ANXA4: variants seen among roughly 807,000 people sequenced by gnomAD.
ANXA4 encodes annexin A4.
In ANXA4, 39 loss-of-function variants were observed where a neutral mutation model predicts 49.8. The ratio of observed to expected loss-of-function variants is 0.78; its 90% CI spans 0.61 to 1.02. The LOEUF (loss-of-function observed/expected upper bound fraction) is 1.02, where lower values mean the gene tolerates loss of function less well. Among genes scored for constraint, ANXA4 ranks in the 50% least tolerant of loss-of-function variants. ANXA4 has a pLI of 0.00. For synonymous variants in ANXA4, 134 were observed against 152.5 expected (o/e 0.88, Z 0.89); for missense variants, 360 against 410.1 (o/e 0.88, Z 1.05).
chr2:69,690,642 A>G (rs1332185254), intron 2 of ANXA4, among the ~76,000 whole-genome samples: 1 of 152,208 alleles, frequency 6.6e-6, no homozygotes, highest in Non-Finnish European at 1.5e-5. Context: ...ACATTTTTCA[A>G]ATGATTTTCA....
intron 2 of ANXA4, among the ~76,000 whole-genome samples, chr2:69,661,538 T>G (rs1676717826): frequency 6.6e-6 from 1 of 152,026 alleles, no homozygotes; most frequent in Non-Finnish European, 1.5e-5. Flanking sequence ...GTCACTGCAC[T>G]CCAGCCTGGG....
intron 3 of ANXA4, among the ~76,000 whole-genome samples, chr2:69,724,435 CTT>C (rs1235686373): frequency 6.6e-6 from 1 of 152,180 alleles, no homozygotes; most frequent in African/African-American, 2.4e-5. Flanking sequence ...TAAAAGAAGA[CTT>C]TTTCTAATTA....
chr2:69,728,754 C>G (rs1670025426), intron 3 of ANXA4, among the ~76,000 whole-genome samples: 1 of 152,186 alleles, frequency 6.6e-6, no homozygotes, highest in Non-Finnish European at 1.5e-5. Context: ...ACCACACTGA[C>G]TTTAAGTGTC....
intron 2 of ANXA4, among the ~76,000 whole-genome samples, chr2:69,681,536 G>C (rs181766018): frequency 6.6e-6 from 1 of 151,542 alleles, no homozygotes; most frequent in African/African-American, 2.4e-5. Flanking sequence ...AGCTAATTTT[G>C]GTATTTTTAG....
intron 2 of ANXA4, among the ~76,000 whole-genome samples, chr2:69,712,933 A>T (rs548815888): frequency 6.6e-4 from 100 of 152,124 alleles, no homozygotes; most frequent in African/African-American, 2.3e-3. Context: ...TGAAAACAGG[A>T]CTCTTTGGGG....
Position 69,820,775 on chromosome 2 carries a change from C to T in ANXA4, c.860C>T (p.Ala287Val). The change falls in exon 12 of 13, where the codon GCA (alanine) becomes GTA (valine). Residue 287 changes from alanine to valine, a missense_variant. Ala to Val is a moderately conservative substitution (Grantham distance 64, BLOSUM62 0). Coordinates refer to ENST00000394295, the MANE Select transcript of ANXA4 (RefSeq NM_001153.5). ...RAEIDMLDIR[A>V]HFKRLYGKSL... is the part of the protein sequence containing the mutation. ...GAAATTGACATGTTGGATATCCGGG[C>T]ACACTTCAAGAGACTCTATGGAAAG... 1 of 1,614,138 alleles carries T rather than the reference C, an allele frequency of 6.2e-7. No homozygotes were observed.
At chr2:69,809,007 T>C (rs1015615159) in intron 6 of ANXA4, 1 of 152,062 alleles carries the variant, frequency 6.6e-6, no homozygotes, top group African/African-American at 2.4e-5. Context: ...TATATGTAAG[T>C]GAAAAAGACA....
At chr2:69,781,164 A>G (rs1279531506) in intron 1 of ANXA4, 1 of 221,608 alleles carries the variant, frequency 4.5e-6, no homozygotes, top group Non-Finnish European at 8.9e-6. Context: ...CTCTTTTCTC[A>G]AAGGGGGAAC....
chr2:69,681,839 C>T (rs1677609726), intron 2 of ANXA4, among the ~76,000 whole-genome samples: 1 of 145,320 alleles, frequency 6.9e-6, no homozygotes. Context: ...ATTGTTCTTG[C>T]TTTTTTTTTT....
chr2:69,814,342 C>CTTTTT lies in ANXA4; in HGVS notation c.534+1650_534+1654dup, dbSNP rs781253870. On this transcript the variant is annotated intron_variant, in intron 8 of 12. Coordinates refer to ENST00000394295, the MANE Select transcript of ANXA4 (RefSeq NM_001153.5). Reference sequence around the variant, plus strand: ...CACTTCCACTAACCTGTATTTTATTCTTTTTTTTTTTTTTTTTTTTTGAGA... The same window carrying CTTTTT: ...CACTTCCACTAACCTGTATTTTATTCTTTTTTTTTTTTTTTTTTTTTTTTTTGAGA... Among the ~76,000 whole-genome samples, 445 of 97,264 alleles carry CTTTTT rather than the reference C, an allele frequency of 4.6e-3. 17 individuals are homozygous for CTTTTT. The highest frequency in any genetic ancestry group is 0.011 in the African/African-American group (249 of 23,102). 63.8% of individuals were successfully genotyped at this position (97,264 alleles called of 152,430 possible). A position where few individuals can be genotyped will look rare whatever the true frequency, so the allele number is the denominator to read the frequency against.
At position 69,816,146 on chromosome 2, in the gene ANXA4, A is replaced by G. The variant is rs1673980710; in HGVS notation, c.580A>G (p.Lys194Glu). Reference sequence around the variant, plus strand: ...GAAGAAATGGGGGACAGATGAGGTGAAATTTCTAACTGTTCTCTGTTCCCG... The same window carrying G: ...GAAGAAATGGGGGACAGATGAGGTGGAATTTCTAACTGTTCTCTGTTCCCG... ...GEKKWGTDEV[K>E]FLTVLCSRNR... The change falls in exon 9 of 13, where the codon AAA becomes GAA. Residue 194 changes from lysine (K) to glutamate (E), a missense_variant. Lys to Glu is a moderately conservative substitution (Grantham distance 56). Coordinates refer to ENST00000394295, the MANE Select transcript of ANXA4 (RefSeq NM_001153.5). 1 of 1,614,040 alleles carries G rather than the reference A, an allele frequency of 6.2e-7. No homozygotes were observed. Among genetic ancestry groups the G allele is most frequent in the Non-Finnish European group, 8.5e-7 (1 of 1,180,010 alleles).
chr2:69,808,417 A>G (rs1452555698), intron 6 of ANXA4: 1 of 170,048 alleles, frequency 5.9e-6, no homozygotes, highest in Non-Finnish European at 1.3e-5. Flanking sequence ...ACAGCCATTC[A>G]CTCCCCCTTA....
intron 1 of ANXA4, among the ~76,000 whole-genome samples, chr2:69,747,792 C>T (rs535597417): frequency 6.6e-6 from 1 of 152,034 alleles, no homozygotes; most frequent in Non-Finnish European, 1.5e-5. Flanking sequence ...TTTAAGCAAT[C>T]CTTCCACTTC....
rs1673661988 is a variant in ANXA4, at chr2:69,810,672, C to G, written c.476C>G (p.Ala159Gly). The G allele has an allele frequency of 1.2e-6, 2 of 1,612,776 alleles. No individual in the cohort carries two copies. Reference protein sequence around the residue: ...MFQRVLVSLSAGGRDEGNYLD... With the variant: ...MFQRVLVSLSGGGRDEGNYLD... ...CAGCGAGTGCTGGTGTCTCTGTCAG[C>G]TGTGAGTGACTGCTTCTGATGGGGG... is the stretch of plus-strand genomic sequence containing the variant. Residue 159 changes from alanine to glycine, a missense_variant and splice_region_variant, in exon 7 of 13, where the codon GCT becomes GGT. Transcript: ENST00000394295.
Position 69,656,731 on chromosome 2 carries a change from G to A in ANXA4, n.766+3449G>A, listed in dbSNP as rs142300666. ...CACCCAACTAATTTTTGTATTTTTA[G>A]TAGAGATGGGGTTTCACCATGTTGG... On this transcript the variant is annotated intron_variant and non_coding_transcript_variant, in intron 2 of 3. Transcript: ENST00000418066. Among the ~76,000 whole-genome samples, 162 of 151,612 alleles carry A rather than the reference G, an allele frequency of 1.1e-3. 2 individuals are homozygous for A. In the East Asian group the frequency reaches 0.026, roughly 25 times the overall value.
At chr2:69,708,468 G>A (rs556562928) in intron 2 of ANXA4, among the ~76,000 whole-genome samples, 6 of 152,146 alleles carry the variant, frequency 3.9e-5, no homozygotes, top group South Asian at 2.1e-4. Context: ...GGTGGCATCC[G>A]CCTGTGATCC....
At chr2:69,723,352 A>G (rs1305307033) in intron 3 of ANXA4, among the ~76,000 whole-genome samples, 1 of 152,186 alleles carries the variant, frequency 6.6e-6, no homozygotes, top group Non-Finnish European at 1.5e-5. Context: ...CCAAAGTGAT[A>G]TGAAGAAACT....
In ANXA4 at chr2:69,669,478, G is replaced by A. The variant is rs548130050; in HGVS notation, n.766+16196G>A. Among the ~76,000 whole-genome samples the A allele has an allele frequency of 5.9e-5, 9 of 151,752 alleles. No homozygotes were observed. In the East Asian group the frequency reaches 1.8e-3, roughly 30 times the overall value. ...TACAAAAAATTAGCCAGGCATGGTA[G>A]TACACACCTGTAATCCCAGCTACTT... On this transcript the variant is annotated intron_variant and non_coding_transcript_variant, in intron 2 of 3. Coordinates refer to the ANXA4 transcript ENST00000418066.
intron 2 of ANXA4, among the ~76,000 whole-genome samples, chr2:69,662,992 CTTTTTT>C (rs746269236): frequency 8.1e-6 from 1 of 123,200 alleles, no homozygotes; most frequent in East Asian, 2.5e-4. Flanking sequence ...TTTTCTTTTT[CTTTTTT>C]TTTTTTTTTT....
Sources: gnomAD v4.1 joint callset for allele counts (sites outside exome capture counted in the v4.1 genomes callset) on GRCh38, gnomAD v4.1.1 for gene constraint, MANE v1.5 for transcripts, NCBI Gene and HGNC (gene_info 2026-07-23, HGNC 2026-07-21) for gene names.